The following RASGRF2 variants were observed in gnomAD, a reference collection of about 807,000 sequenced individuals.
RASGRF2 encodes the protein Ras protein specific guanine nucleotide releasing factor 2.
RASGRF2 carries 76 observed loss-of-function variants against 151.0 expected under a neutral mutation model. The ratio of observed to expected loss-of-function variants is 0.50; its 90% CI spans 0.42 to 0.61. The LOEUF (loss-of-function observed/expected upper bound fraction) is 0.61, where lower values mean the gene tolerates loss of function less well. RASGRF2 is among the 20% of genes least tolerant of loss of function. The pLI is 0.00. For synonymous variants in RASGRF2, 504 were observed against 566.5 expected (o/e 0.89, Z 1.57); for missense variants, 1,148 against 1,564.6 (o/e 0.73, Z 4.49).
chr5:81,163,584 C>G (rs1054791337), intron 17 of RASGRF2, among the ~76,000 whole-genome samples: 4 of 152,160 alleles, frequency 2.6e-5, no homozygotes, highest in African/African-American at 7.2e-5. Context: ...TTTTGTGCAA[C>G]ATGTGGTCTC....
chr5:81,005,589 A>G (rs1203710400), intron 1 of RASGRF2, among the ~76,000 whole-genome samples: 1 of 152,038 alleles, frequency 6.6e-6, no homozygotes, highest in Admixed American at 6.6e-5. Context: ...TTTCATGGAG[A>G]AAAAAAATCC....
chr5:81,090,687 T>C (rs939547420), intron 9 of RASGRF2, among the ~76,000 whole-genome samples: 2 of 152,192 alleles, frequency 1.3e-5, no homozygotes, highest in African/African-American at 4.8e-5. Flanking sequence ...TATTAGTGTA[T>C]GGTTGCCAAG....
chr5:81,059,531 A>C (rs1418263926), intron 2 of RASGRF2, among the ~76,000 whole-genome samples: 1 of 151,256 alleles, frequency 6.6e-6, no homozygotes, highest in Non-Finnish European at 1.5e-5. Flanking sequence ...TCCCTGTCTT[A>C]GGCCATTCTT....
chr5:81,180,021 C>T (rs748165637), intron 17 of RASGRF2, among the ~76,000 whole-genome samples, 154 bp from the exon 18 acceptor site: 12 of 152,034 alleles, frequency 7.9e-5, no homozygotes, highest in African/African-American at 1.5e-4. Flanking sequence ...AATAGGTGAG[C>T]GGAATTCACA....
Position 81,172,465 on chromosome 5 carries a change from GTGTGTGTGTT to G in RASGRF2, c.2687-7708_2687-7699del, listed in dbSNP as rs1207640426. ...TGTGTGTGTGTGTGTGTGTGTGTGT[GTGTGTGTGTT>G]TATTGTTACAGTTAACTGCACTTAG... On this transcript the variant is annotated intron_variant, in intron 17 of 26. Transcript: ENST00000265080. Among the ~76,000 whole-genome samples the G allele has an allele frequency of 6.7e-5, 10 of 149,756 alleles. No individual in the cohort carries two copies. The East Asian group carries it at 2.0e-3, about 30-fold the overall frequency.
intron 4 of RASGRF2, among the ~76,000 whole-genome samples, chr5:81,072,822 C>T (rs886612165): frequency 1.4e-4 from 22 of 152,190 alleles, no homozygotes; most frequent in Admixed American, 1.4e-3. Context: ...ACTGGGACTA[C>T]AGGCCTGTGC....
chr5:81,047,718 CAG>C lies in RASGRF2; in HGVS notation c.395+4741_395+4742del, dbSNP rs1377480675. 3.3e-5 allele frequency among the ~76,000 whole-genome samples: 5 copies of C among 152,388 alleles called. 1 individual carries two copies. The East Asian group carries it at 5.8e-4, about 18-fold the overall frequency. On this transcript the variant is annotated intron_variant, in intron 2 of 26. Transcript: ENST00000265080. ...CCCTGTCAGTCTCCAACCTGACGAG[CAG>C]AGAGACTTTATCATCCAGTTAAACC...
At position 81,068,177 on chromosome 5, in the gene RASGRF2, G is replaced by A; in HGVS notation, c.541G>A (p.Glu181Lys). 1 of 1,608,610 alleles carries A rather than the reference G, an allele frequency of 6.2e-7. No homozygotes were observed. Among genetic ancestry groups the A allele is most frequent in the African/African-American group, 1.3e-5 (1 of 74,768 alleles). Residue 181 changes from glutamate to lysine, a missense_variant and splice_region_variant, in exon 3 of 27, where the codon GAG (glutamate) becomes AAG (lysine). Transcript: ENST00000265080. Reference protein sequence around the residue: ...QDTEIERLKSEIIALNKTKER... With the variant: ...QDTEIERLKSKIIALNKTKER... Reference sequence around the variant, plus strand: ...CACAGAAATCGAAAGGCTTAAATCAGAGGTATTTCCCAGTCAATAGATTCC... The same window carrying A: ...CACAGAAATCGAAAGGCTTAAATCAAAGGTATTTCCCAGTCAATAGATTCC...
intron 17 of RASGRF2, among the ~76,000 whole-genome samples, chr5:81,144,571 T>G (rs942272619): frequency 2.0e-5 from 3 of 152,222 alleles, no homozygotes; most frequent in African/African-American, 4.8e-5. Flanking sequence ...AAGCTTCACC[T>G]ACATCTTGCA....
At chr5:81,006,388 G>A (rs996141332) in intron 1 of RASGRF2, among the ~76,000 whole-genome samples, 3 of 152,190 alleles carry the variant, frequency 2.0e-5, no homozygotes, top group African/African-American at 7.2e-5. Flanking sequence ...AGTCTTTTGA[G>A]TTAAGTGGTT....
intron 2 of RASGRF2, among the ~76,000 whole-genome samples, chr5:81,066,353 G>A (rs1398310164): frequency 6.6e-6 from 1 of 152,152 alleles, no homozygotes; most frequent in Non-Finnish European, 1.5e-5. Context: ...TACAGGTGCT[G>A]AGGATGTTGA....
At chr5:81,052,101 T>C (rs1029320812) in intron 2 of RASGRF2, among the ~76,000 whole-genome samples, 5 of 152,204 alleles carry the variant, frequency 3.3e-5, no homozygotes, top group African/African-American at 7.2e-5. Flanking sequence ...TTTTCTGTGA[T>C]GATAAAGATA....
chr5:81,185,174 G>C (rs777979839), intron 18 of RASGRF2, among the ~76,000 whole-genome samples: 289 of 152,344 alleles, frequency 1.9e-3, no homozygotes, highest in African/African-American at 4.0e-3. Context: ...TTTCCAGAGA[G>C]AGGCATCTGT....
chr5:81,147,376 G>A (rs1178810944), intron 17 of RASGRF2, among the ~76,000 whole-genome samples: 1 of 152,054 alleles, frequency 6.6e-6, no homozygotes, highest in Non-Finnish European at 1.5e-5. Flanking sequence ...AATTTAGCTG[G>A]TATATTAGAT....
At chr5:81,135,718 C>T (rs1753737666) in intron 17 of RASGRF2, among the ~76,000 whole-genome samples, 1 of 152,148 alleles carries the variant, frequency 6.6e-6, no homozygotes, top group Non-Finnish European at 1.5e-5. Context: ...TTTTTGGCTG[C>T]TGTGAATGAT....
chr5:81,048,783 C>G (rs375487876), intron 2 of RASGRF2, among the ~76,000 whole-genome samples: 1 of 152,198 alleles, frequency 6.6e-6, no homozygotes, highest in East Asian at 1.9e-4. Context: ...TATTCCATTT[C>G]TCTCTTATAT....
intron 18 of RASGRF2, among the ~76,000 whole-genome samples, chr5:81,194,147 C>T (rs1755209116): frequency 1.3e-5 from 2 of 148,628 alleles, no homozygotes; most frequent in South Asian, 4.3e-4. Flanking sequence ...AGTTGGAGAC[C>T]AGCCTGGGCA....
intron 1 of RASGRF2, among the ~76,000 whole-genome samples, chr5:80,981,049 G>C (rs941241827): frequency 2.6e-5 from 4 of 152,164 alleles, no homozygotes; most frequent in African/African-American, 9.7e-5. Flanking sequence ...TTGTCTAAAA[G>C]CCACTTAAAG....
chr5:80,989,069 C>T (rs537464246), intron 1 of RASGRF2, among the ~76,000 whole-genome samples: 6 of 151,930 alleles, frequency 3.9e-5, no homozygotes, highest in East Asian at 1.9e-4. Flanking sequence ...CCTCCACCTC[C>T]GGGATTCAAA....
Sources: allele counts gnomAD v4.1 joint callset (sites outside exome capture counted in the v4.1 genomes callset), GRCh38; gene constraint gnomAD v4.1.1; transcripts MANE v1.5; gene names NCBI Gene and HGNC (gene_info 2026-07-23, HGNC 2026-07-21).